The following ZBTB40 variants were observed in gnomAD, a reference collection of about 807,000 sequenced individuals.
The protein encoded by ZBTB40 is zinc finger and BTB domain containing 40.
ZBTB40 carries 60 observed loss-of-function variants against 117.5 expected under a neutral mutation model. That is an observed-to-expected ratio of 0.51 (90% confidence interval 0.41 to 0.63). The LOEUF is 0.63. Ranked by LOEUF, ZBTB40 falls within the 30% of genes least tolerant of loss-of-function variation. The probability of loss-of-function intolerance (pLI) is 0.00; values close to 1 mark genes in which losing one functional copy is unlikely to be tolerated. For synonymous variants in ZBTB40, 525 were observed against 577.1 expected, an observed-to-expected ratio of 0.91 and a Z score of 1.29; for missense variants, 1,287 against 1,498.5, an observed-to-expected ratio of 0.86 and a Z score of 2.33.
intron 1 of ZBTB40, among the ~76,000 whole-genome samples, chr1:22,431,020 A>G (rs1640572924): frequency 1.3e-5 from 2 of 151,930 alleles, no homozygotes; most frequent in South Asian, 4.1e-4. Flanking sequence ...GAAGTTATAT[A>G]TATATTCACT....
intron 13 of ZBTB40, among the ~76,000 whole-genome samples, chr1:22,517,867 G>T (rs533899391): frequency 6.6e-6 from 1 of 152,144 alleles, no homozygotes; most frequent in Admixed American, 6.5e-5. Flanking sequence ...GTCTACCATC[G>T]TAAGTGAGCC....
intron 13 of ZBTB40, among the ~76,000 whole-genome samples, chr1:22,518,180 TCAGCA>T (rs1039235546): frequency 2.6e-5 from 4 of 152,178 alleles, no homozygotes; most frequent in South Asian, 4.1e-4. Context: ...AGGAGTGTAA[TCAGCA>T]CAGCACAGCA....
chr1:22,433,510 A>T (rs1640629120), intron 1 of ZBTB40, among the ~76,000 whole-genome samples: 1 of 14,474 alleles, frequency 6.9e-5, no homozygotes, highest in Non-Finnish European at 6.3e-3. Context: ...ACATTTTATT[A>T]AGTAGTATAA....
Position 22,442,319 on chromosome 1 carries a change from C to A in ZBTB40, c.-70+13305C>A, listed in dbSNP as rs931856658. On this transcript the variant is annotated intron_variant, in intron 1 of 8. Transcript: ENST00000650433. ...GAGAAAGGACAAGAGAGAGAGAGAC[C>A]CAAGGTCAGGCAAGAAAGTTTATTA... Among the ~76,000 whole-genome samples, 8 of 151,996 alleles carry A rather than the reference C, an allele frequency of 5.3e-5. No individual in the cohort carries two copies. The East Asian group carries it at 1.5e-3, about 29-fold the overall frequency.
intron 1 of ZBTB40, among the ~76,000 whole-genome samples, chr1:22,460,467 T>C (rs1158042120): frequency 6.6e-6 from 1 of 152,222 alleles, no homozygotes; most frequent in East Asian, 1.9e-4. Context: ...TTACCATTTA[T>C]TGAACACATA....
At chr1:22,430,089 T>C (rs1640559483) in intron 1 of ZBTB40, among the ~76,000 whole-genome samples, 1 of 152,258 alleles carries the variant, frequency 6.6e-6, no homozygotes, top group Admixed American at 6.5e-5. Context: ...CTATAATCAC[T>C]AATAAGTGTT....
rs209726 is a variant in ZBTB40, at chr1:22,513,532, G to C, written c.2668+402G>C. On this transcript the variant is annotated intron_variant, in intron 12 of 17. Transcript: ENST00000375647. The surrounding 1 kb of genome is among the most constrained non-coding windows in gnomAD (Gnocchi z 4.9). ...TGGCTAACATGGTGAAACCCCATCT[G>C]TACTAAAAAATACAAAAAATTAGCC... 0.79 allele frequency among the ~76,000 whole-genome samples: 119,685 copies of C among 151,916 alleles called. 47,744 individuals are homozygous for C. Among genetic ancestry groups the C allele is most frequent in the African/African-American group, 0.91 (37,637 of 41,472 alleles).
intron 5 of ZBTB40, 147 bp from the exon 6 acceptor site, chr1:22,505,900 CTA>C: frequency 1.3e-6 from 1 of 755,592 alleles, no homozygotes; most frequent in Non-Finnish European, 2.3e-6. Context: ...AAGGAAGAAA[CTA>C]TGAAAAAAAG....
chr1:22,520,208 A>G lies in ZBTB40; in HGVS notation c.2981A>G (p.Glu994Gly). 1.2e-6 allele frequency: 2 copies of G among 1,613,992 alleles called. No homozygotes were observed. The highest frequency in any genetic ancestry group is 1.7e-6 in the Non-Finnish European group (2 of 1,179,966). The change falls in exon 14 of 18, where the codon GAG becomes GGG. Residue 994 changes from glutamate (E) to glycine (G), a missense_variant. Transcript: ENST00000375647. ...ATCTTCAGTGCCCCGTCCATGCTGG[A>G]GCGGCACGTGGTGACCCACGTTGGA... ...GKIFSAPSML[E>G]RHVVTHVGGK...
chr1:22,522,998 A>T (rs1305384266), intron 16 of ZBTB40, among the ~76,000 whole-genome samples: 1 of 131,602 alleles, frequency 7.6e-6, no homozygotes, highest in Admixed American at 9.2e-5. Context: ...CCCAGGCTGG[A>T]GTGCAGTGGC....
rs200121654 is a variant in ZBTB40, at chr1:22,521,558, C to T, written c.3111C>T (p.Asn1037=). ...ACCCTGACGTATTTGCTGCTCAGAA[C>T]CACCGATCTTCCAAGTTCTCATCAC... ...THHPDVFAAQ[N]HRSSKFSSLQ... Residue 1037 remains asparagine, a synonymous_variant, in exon 15 of 18, where the codon AAC becomes AAT. Coordinates refer to ENST00000375647, the MANE Select transcript of ZBTB40 (RefSeq NM_014870.4). 2.7e-5 allele frequency: 44 copies of T among 1,614,110 alleles called. No individual in the cohort carries two copies. Among genetic ancestry groups the T allele is most frequent in the Non-Finnish European group, 3.5e-5 (41 of 1,180,046 alleles).
intron 1 of ZBTB40, among the ~76,000 whole-genome samples, chr1:22,474,192 C>T (rs1207762074): frequency 6.6e-6 from 1 of 152,188 alleles, no homozygotes; most frequent in Admixed American, 6.5e-5. Flanking sequence ...GGCATACAGG[C>T]CATTCGAGTA....
chr1:22,504,615 C>T (rs1448257715), intron 5 of ZBTB40, among the ~76,000 whole-genome samples: 1 of 152,214 alleles, frequency 6.6e-6, no homozygotes, highest in Non-Finnish European at 1.5e-5. Flanking sequence ...ATATCAATAA[C>T]ATAGTCATTT....
rs766474050 is a variant in ZBTB40, at chr1:22,481,787, CA to C, written c.-69-8065del. Among the ~76,000 whole-genome samples the C allele has an allele frequency of 1.0e-3, 66 of 64,298 alleles. 1 individual carries two copies. Among genetic ancestry groups the C allele is most frequent in the African/African-American group, 3.6e-3 (53 of 14,588 alleles). 42.2% of individuals were successfully genotyped at this position (64,298 alleles called of 152,430 possible). On this transcript the variant is annotated intron_variant, in intron 1 of 17. Transcript: ENST00000375647. ...CCGTAAGACTTATGTCTTGTTTTACCAAAAAAAAAAAAAAAAAAAAAAAAAA... is the reference window on the plus strand; with the variant it reads ...CCGTAAGACTTATGTCTTGTTTTACCAAAAAAAAAAAAAAAAAAAAAAAAA...
At chr1:22,463,722 T>G (rs904030447) in intron 1 of ZBTB40, among the ~76,000 whole-genome samples, 1 of 152,224 alleles carries the variant, frequency 6.6e-6, no homozygotes, top group Admixed American at 6.5e-5. Context: ...TCTCAAAGCC[T>G]CCTTCTGTTA....
At position 22,490,560 on chromosome 1, in the gene ZBTB40, G is replaced by T; in HGVS notation, c.612G>T (p.Ala204=). ...QESQRNAETP[A]ETPTTAEACS... is the part of the protein sequence containing the mutation. Reference sequence around the variant, plus strand: ...GCCAGAGGAATGCAGAAACCCCAGCGGAGACTCCTACTACAGCTGAAGCTT... The same window carrying T: ...GCCAGAGGAATGCAGAAACCCCAGCTGAGACTCCTACTACAGCTGAAGCTT... Residue 204 remains alanine (A), a synonymous_variant, in exon 2 of 18, where the codon GCG becomes GCT. Coordinates refer to ENST00000375647, the MANE Select transcript of ZBTB40 (RefSeq NM_014870.4). 6.2e-7 allele frequency: 1 copy of T among 1,613,834 alleles called. No individual in the cohort carries two copies. The highest frequency in any genetic ancestry group is 8.5e-7 in the Non-Finnish European group (1 of 1,179,910).
rs1427338542 is a variant in ZBTB40, at chr1:22,520,169, C to T, written c.2942C>T (p.Pro981Leu). The change falls in exon 14 of 18, where the codon CCC (proline) becomes CTC (leucine). Residue 981 changes from proline to leucine, a missense_variant. Pro to Leu is a moderately conservative substitution (Grantham distance 98). Coordinates refer to ENST00000375647, the MANE Select transcript of ZBTB40 (RefSeq NM_014870.4). ...EVHSKEYHPC[P>L]TCGKIFSAPS... ...CACTCCAAAGAGTACCACCCCTGCC[C>T]CACGTGTGGGAAGATCTTCAGTGCC... The T allele has an allele frequency of 3.1e-6, 5 of 1,614,186 alleles. No homozygotes were observed. Among genetic ancestry groups the T allele is most frequent in the Non-Finnish European group, 4.2e-6 (5 of 1,180,022 alleles).
At position 22,527,587 on chromosome 1, in the gene ZBTB40, T is replaced by C. The variant is rs902585126; in HGVS notation, c.*1191T>C. 4 of 152,344 alleles carry C rather than the reference T, an allele frequency of 2.6e-5. No homozygotes were observed. The highest frequency in any genetic ancestry group is 7.2e-5 in the African/African-American group (3 of 41,434). 9.4% of individuals were successfully genotyped at this position (152,344 alleles called of 1,614,324 possible). A position where few individuals can be genotyped will look rare whatever the true frequency, so the allele number is the denominator to read the frequency against. Reference sequence around the variant, plus strand: ...TCTTCTTTTCCTTCCATGCCAAAGGTTGGAGTCTGCTGGTGCGGTGTTTAC... The same window carrying C: ...TCTTCTTTTCCTTCCATGCCAAAGGCTGGAGTCTGCTGGTGCGGTGTTTAC... On this transcript the variant is annotated 3_prime_UTR_variant, in exon 18 of 18. Transcript: ENST00000375647.
intron 1 of ZBTB40, among the ~76,000 whole-genome samples, chr1:22,457,177 C>T (rs1462280510): frequency 6.6e-6 from 1 of 151,842 alleles, no homozygotes; most frequent in African/African-American, 2.4e-5. Context: ...CTTGAGGAAG[C>T]AGAGGATTAA....
Sources: gnomAD v4.1 joint callset for allele counts (sites outside exome capture counted in the v4.1 genomes callset) on GRCh38, gnomAD v4.1.1 for gene constraint, Gnocchi (gnomAD v3.1) non-coding constraint, MANE v1.5 for transcripts, NCBI Gene and HGNC (gene_info 2026-07-23, HGNC 2026-07-21) for gene names.